The following FAIM variants were observed in gnomAD, a reference collection of about 807,000 sequenced individuals.
The protein encoded by FAIM is fas apoptotic inhibitory molecule 1.
FAIM carries 14 observed loss-of-function variants against 21.2 expected under a neutral mutation model. That is an observed-to-expected ratio of 0.66 (90% CI 0.44 to 1.03). The LOEUF is 1.03. Among genes scored for constraint, FAIM ranks in the 50% least tolerant of loss-of-function variants. The pLI is 0.00. For missense variants in FAIM, 222 were observed against 247.1 expected, an observed-to-expected ratio of 0.90 and a Z score of 0.68; for synonymous variants, 86 against 80.4, an observed-to-expected ratio of 1.07 and a Z score of -0.37.
Position 138,622,198 on chromosome 3 carries a change from G to T in FAIM, c.188G>T (p.Arg63Ile). The change falls in exon 4 of 6, where the codon AGA becomes ATA. Residue 63 changes from arginine to isoleucine, a missense_variant. Coordinates refer to ENST00000360570, the MANE Select transcript of FAIM (RefSeq NM_001033031.2). ...TGTTTTATTATGTAGGAAGAGATAA[G>T]AAAAGAGTGGATGTTCAAATTAGTG... Reference protein sequence around the residue: ...VVYVDGKEEIRKEWMFKLVGK... With the variant: ...VVYVDGKEEIIKEWMFKLVGK... The T allele has an allele frequency of 6.2e-7, 1 of 1,605,298 alleles. No individual in the cohort carries two copies. The highest frequency in any genetic ancestry group is 8.5e-7 in the Non-Finnish European group (1 of 1,177,130).
intron 1 of FAIM, among the ~76,000 whole-genome samples, chr3:138,612,344 G>A (rs544974832): frequency 2.6e-5 from 4 of 152,026 alleles, no homozygotes; most frequent in African/African-American, 4.8e-5. Context: ...CTCGTGATCC[G>A]CCCGCCTCGG....
At chr3:138,624,195 T>TA (rs1312035738) in intron 4 of FAIM, among the ~76,000 whole-genome samples, 1 of 152,234 alleles carries the variant, frequency 6.6e-6, no homozygotes, top group African/African-American at 2.4e-5. Context: ...GGATTATGAT[T>TA]AGTGTCAACA....
At chr3:138,621,571 T>C (rs1560496720) in intron 3 of FAIM, 32 bp downstream of exon 3, 2 of 1,589,478 alleles carry the variant, frequency 1.3e-6, no homozygotes, top group East Asian at 2.2e-5. Flanking sequence ...TTGTAAAATA[T>C]GATATATAGA....
chr3:138,609,614 A>ACTCTCTCTCTCTCTCT (rs1211208979), intron 1 of FAIM, among the ~76,000 whole-genome samples: 3 of 25,424 alleles, frequency 1.2e-4, no homozygotes, highest in South Asian at 4.0e-3. Context: ...CTCTCTCTCG[A>ACTCTCTCTCTCTCTCT]CTCTCTCTCT....
chr3:138,609,552 C>G (rs866012034), intron 1 of FAIM, among the ~76,000 whole-genome samples: 3 of 72,468 alleles, frequency 4.1e-5, no homozygotes, highest in African/African-American at 1.5e-4. Context: ...CTCTCTCTCT[C>G]TCTCTCTCTC....
intron 1 of FAIM, chr3:138,611,125 A>C: frequency 9.5e-7 from 1 of 1,057,884 alleles, no homozygotes; most frequent in South Asian, 1.4e-5. Flanking sequence ...GTGTTTATTA[A>C]ATTGAATTTG....
At chr3:138,627,147 G>A (rs968781076) in intron 4 of FAIM, among the ~76,000 whole-genome samples, 2 of 149,676 alleles carry the variant, frequency 1.3e-5, no homozygotes, top group African/African-American at 4.9e-5. Context: ...GCTAATGTGT[G>A]TGCATTTTTC....
intron 1 of FAIM, 172 bp downstream of exon 1, chr3:138,609,109 T>C (rs61699523): frequency 0.62 from 94,829 of 153,204 alleles, 30,049 homozygotes; most frequent in East Asian, 0.98. Flanking sequence ...CGGGCGGTGT[T>C]TGCGCGGTCG....
At chr3:138,626,685 A>C (rs936244587) in intron 4 of FAIM, among the ~76,000 whole-genome samples, 4 of 152,166 alleles carry the variant, frequency 2.6e-5, no homozygotes, top group African/African-American at 9.7e-5. Flanking sequence ...CAGGACACAT[A>C]TTATATTAGT....
At position 138,609,533 on chromosome 3, in the gene FAIM, A is replaced by ACACTCTCTCT. The variant is rs1285258999; in HGVS notation, c.-17+597_-17+598insACTCTCTCTC. ...AGAACCTGCATCATAAAGTGCTGAA[A>ACACTCTCTCT]CTCTCTCTCTCTCTCTCTCTCTCTC... On this transcript the variant is annotated intron_variant, in intron 1 of 5. Coordinates refer to ENST00000360570, the MANE Select transcript of FAIM (RefSeq NM_001033031.2). Among the ~76,000 whole-genome samples, 3 of 3,368 alleles carry ACACTCTCTCT rather than the reference A, an allele frequency of 8.9e-4. 1 individual carries two copies. The highest frequency in any genetic ancestry group is 1.2e-3 in the Non-Finnish European group (2 of 1,612). 2.2% of individuals were successfully genotyped at this position (3,368 alleles called of 152,430 possible). A position where few individuals can be genotyped will look rare whatever the true frequency, so the allele number is the denominator to read the frequency against.
At chr3:138,612,483 G>A (rs2042781431) in intron 1 of FAIM, among the ~76,000 whole-genome samples, 2 of 152,088 alleles carry the variant, frequency 1.3e-5, no homozygotes, top group Non-Finnish European at 2.9e-5. Flanking sequence ...CCTTATTTTG[G>A]CTGAATGAAA....
At chr3:138,622,523 GT>G in intron 4 of FAIM, 107 bp downstream of exon 4, 2 of 755,820 alleles carry the variant, frequency 2.6e-6, no homozygotes, top group Non-Finnish European at 2.1e-6. Flanking sequence ...AGAAGAGGGA[GT>G]GTAAGTGCAG....
intron 2 of FAIM, among the ~76,000 whole-genome samples, chr3:138,620,668 T>G (rs1204344670): frequency 6.6e-6 from 1 of 152,082 alleles, no homozygotes; most frequent in Non-Finnish European, 1.5e-5. Context: ...ACTAATATGT[T>G]TGTAGAGACA....
At chr3:138,609,534 C>T (rs1452636697) in intron 1 of FAIM, among the ~76,000 whole-genome samples, 2 of 4,270 alleles carry the variant, frequency 4.7e-4, no homozygotes, top group African/African-American at 7.4e-4. Context: ...AGTGCTGAAA[C>T]TCTCTCTCTC....
intron 5 of FAIM, chr3:138,629,700 A>C (rs557961122): frequency 1.3e-5 from 2 of 152,226 alleles, no homozygotes; most frequent in African/African-American, 4.8e-5. Context: ...GAGTGATACA[A>C]TATCAGATGA....
intron 4 of FAIM, 23 bp downstream of exon 4, chr3:138,622,439 G>GA: frequency 1.5e-6 from 2 of 1,361,566 alleles, no homozygotes; most frequent in Non-Finnish European, 2.0e-6. Flanking sequence ...TGTTTCCGCA[G>GA]AACTTTTTTT....
intron 4 of FAIM, 73 bp downstream of exon 4, chr3:138,622,489 C>G: frequency 1.0e-6 from 1 of 973,812 alleles, no homozygotes. Flanking sequence ...TAACTGTATT[C>G]AGACCTTCTA....
At chr3:138,618,776 G>A (rs1434533216) in intron 1 of FAIM, among the ~76,000 whole-genome samples, 1 of 152,208 alleles carries the variant, frequency 6.6e-6, no homozygotes, top group Non-Finnish European at 1.5e-5. Context: ...TTGAGCATCT[G>A]TAGGAAACAG....
intron 2 of FAIM, 119 bp downstream of exon 2, chr3:138,619,889 A>G: frequency 2.1e-6 from 2 of 974,254 alleles, no homozygotes; most frequent in Non-Finnish European, 1.5e-6. Flanking sequence ...TGCAGAATAC[A>G]TGGTTCTGCT....
Sources: allele counts gnomAD v4.1 joint callset (sites outside exome capture counted in the v4.1 genomes callset), GRCh38; gene constraint gnomAD v4.1.1; transcripts MANE v1.5; gene names NCBI Gene and HGNC (gene_info 2026-07-23, HGNC 2026-07-21).